The following MRPS10 variants were observed in gnomAD, a reference collection of about 807,000 sequenced individuals.
MRPS10 encodes mitochondrial ribosomal protein S10.
A neutral mutation model predicts 27.5 loss-of-function variants in MRPS10; 23 were observed. That is an observed-to-expected ratio of 0.84 (90% CI 0.60 to 1.18). MRPS10 has a LOEUF of 1.18. Among genes scored for constraint, MRPS10 ranks in the 50% most tolerant of loss-of-function variants. The pLI, the probability that MRPS10 is intolerant of heterozygous loss-of-function variation, is 0.00. For missense variants in MRPS10, 237 were observed against 240.1 expected (o/e 0.99, Z 0.09); for synonymous variants, 88 against 84.2 (o/e 1.04, Z -0.25).
At chr6:42,216,812 CAAACAA>C (rs969657535) in intron 1 of MRPS10, among the ~76,000 whole-genome samples, 45 of 152,094 alleles carry the variant, frequency 3.0e-4, no homozygotes, top group Admixed American at 2.6e-3. Flanking sequence ...ACTCCGTCTC[CAAACAA>C]AAACAAAAAC....
chr6:42,215,948 G>A (rs4714583), intron 1 of MRPS10, among the ~76,000 whole-genome samples: 81,154 of 151,400 alleles, frequency 0.54, 24,023 homozygotes, highest in East Asian at 0.83. Context: ...TTGTGCAAGA[G>A]GAGCAAGAAT....
Position 42,208,218 on chromosome 6 carries a change from C to T in MRPS10, c.*71G>A. On this transcript the variant is annotated 3_prime_UTR_variant, in exon 7 of 7. Coordinates refer to ENST00000053468, the MANE Select transcript of MRPS10 (RefSeq NM_018141.4). ...ACTCAAATCATCTCAGCTGGAAGCA[C>T]TCTCCACTTAAACATACTCATCTGG... 1 of 1,128,540 alleles carries T rather than the reference C, an allele frequency of 8.9e-7. No homozygotes were observed. The highest frequency in any genetic ancestry group is 1.8e-5 in the Admixed American group (1 of 56,276). The allele number at this position is 1,128,540 out of a possible 1,614,324, so 69.9% of individuals were successfully genotyped here.
chr6:42,206,853 G>GT lies in MRPS10; in HGVS notation c.*1435dup, dbSNP rs1768606384. The GT allele has an allele frequency of 6.6e-6, 1 of 152,208 alleles. No individual in the cohort carries two copies. Among genetic ancestry groups the GT allele is most frequent in the African/African-American group, 2.4e-5 (1 of 41,508 alleles). The allele number at this position is 152,208 out of a possible 1,614,324, so 9.4% of individuals were successfully genotyped here. ...TTCTTTTAATGGTGATGACAGTAAC[G>GT]TAAGTCTGATACACAAGCAGTATGT... On this transcript the variant is annotated 3_prime_UTR_variant, in exon 7 of 7. Transcript: ENST00000053468.
rs1768644841 is a variant in MRPS10 at position 42,207,674 on chromosome 6, T to C, written c.*615A>G. 1 of 152,236 alleles carries C rather than the reference T, an allele frequency of 6.6e-6. No homozygotes were observed. Among genetic ancestry groups the C allele is most frequent in the South Asian group, 2.1e-4 (1 of 4,832 alleles). The allele number at this position is 152,236 out of a possible 1,614,324, so 9.4% of individuals were successfully genotyped here. A position where few individuals can be genotyped will look rare whatever the true frequency, so the allele number is the denominator to read the frequency against. ...TAATTTCTTAAGATCATAAATTCCA[T>C]TACAGTAACCCTGGTAGGCAACTCT... On this transcript the variant is annotated 3_prime_UTR_variant, in exon 7 of 7. Coordinates refer to ENST00000053468, the MANE Select transcript of MRPS10 (RefSeq NM_018141.4).
At chr6:42,212,677 A>T (rs1768817461) in intron 3 of MRPS10, among the ~76,000 whole-genome samples, 1 of 152,216 alleles carries the variant, frequency 6.6e-6, no homozygotes, top group African/African-American at 2.4e-5. Flanking sequence ...TTAAACCAGT[A>T]AATTATACTA....
intron 3 of MRPS10, among the ~76,000 whole-genome samples, chr6:42,212,812 C>T (rs1182279983): frequency 1.3e-5 from 2 of 152,150 alleles, no homozygotes; most frequent in Admixed American, 1.3e-4. Flanking sequence ...ATACTGATAG[C>T]CTGTGTCCTA....
chr6:42,214,716 C>A (rs574457978), intron 1 of MRPS10, among the ~76,000 whole-genome samples: 4 of 152,126 alleles, frequency 2.6e-5, no homozygotes, highest in Non-Finnish European at 5.9e-5. Flanking sequence ...GCCTGAATAT[C>A]TTTAAGCAAT....
chr6:42,208,902 TA>T lies in MRPS10; in HGVS notation c.477del (p.Tyr159Ter). 6.2e-7 allele frequency: 1 copy of T among 1,612,566 alleles called. No homozygotes were observed. The highest frequency in any genetic ancestry group is 8.5e-7 in the Non-Finnish European group (1 of 1,178,976). On this transcript the variant is annotated frameshift_variant, in exon 6 of 7. Transcript: ENST00000053468. LOFTEE classifies it high-confidence loss of function. ...TGSTADVYLE[Y>X]IQRNLPEGVA... ...ACCCCTTCAGGTAAGTTTCGCTGAATATATTCCAAGTAGACATCTGCTGTGC... is the reference window on the plus strand; with the variant it reads ...ACCCCTTCAGGTAAGTTTCGCTGAATTATTCCAAGTAGACATCTGCTGTGC...
rs1768650665 is a variant in MRPS10, at chr6:42,207,867, T to G, written c.*422A>C. 5.5e-6 allele frequency: 1 copy of G among 180,224 alleles called. No homozygotes were observed. The highest frequency in any genetic ancestry group is 2.4e-5 in the African/African-American group (1 of 41,672). 11.2% of individuals were successfully genotyped at this position (180,224 alleles called of 1,614,324 possible). On this transcript the variant is annotated 3_prime_UTR_variant, in exon 7 of 7. Transcript: ENST00000053468. The stretch of plus-strand genomic sequence containing the variant: ...CTGCACAAAGGTAAATAGCAAAAAC[T>G]TTAACTGCTCAATCTGAATTAACCA...
chr6:42,212,250 A>G (rs182588815), intron 3 of MRPS10, among the ~76,000 whole-genome samples: 2 of 152,372 alleles, frequency 1.3e-5, no homozygotes, highest in East Asian at 1.9e-4. Context: ...GAGCCTGGGC[A>G]GAAGACTTGG....
intron 1 of MRPS10, among the ~76,000 whole-genome samples, chr6:42,215,633 C>T (rs1229947626): frequency 6.6e-6 from 1 of 152,044 alleles, no homozygotes; most frequent in African/African-American, 2.4e-5. Flanking sequence ...CACCATATTT[C>T]CCAGGCTGGT....
At chr6:42,213,552 G>C (rs1768841192) in intron 3 of MRPS10, among the ~76,000 whole-genome samples, 1 of 152,186 alleles carries the variant, frequency 6.6e-6, no homozygotes, top group Non-Finnish European at 1.5e-5. Flanking sequence ...ACAGACAAAT[G>C]TCTAGAACTG....
rs9471809 is a variant in MRPS10, at chr6:42,217,826, A to C, written c.24T>G (p.Gly8=). The change falls in exon 1 of 7, where the codon GGT becomes GGG. Residue 8 remains glycine, a synonymous_variant. Coordinates refer to ENST00000053468, the MANE Select transcript of MRPS10 (RefSeq NM_018141.4). The stretch of plus-strand genomic sequence containing the variant: ...CCTGCCAGAGGCGCCGGCACACAGC[A>C]CCGAACGCTGTCCGCGCCGCCATCT... MAARTAF[G]AVCRRLWQGL... is the part of the protein sequence containing the mutation. The C allele has an allele frequency of 0.22, 355,979 of 1,613,680 alleles. 46,337 individuals are homozygous for C. The highest frequency in any genetic ancestry group is 0.6 in the African/African-American group (45,317 of 74,918).
rs1168038465 is a variant in MRPS10 at position 42,207,477 on chromosome 6, C to T, written c.*812G>A. The stretch of plus-strand genomic sequence containing the variant: ...CCTCGTGATCCGCCTGCCTCGGCCT[C>T]CCAAAATGCTGGGATTACAGGCGTG... On this transcript the variant is annotated 3_prime_UTR_variant, in exon 7 of 7. Transcript: ENST00000053468. 6.6e-6 allele frequency: 1 copy of T among 152,204 alleles called. No individual in the cohort carries two copies. The highest frequency in any genetic ancestry group is 1.5e-5 in the Non-Finnish European group (1 of 68,044). The allele number at this position is 152,204 out of a possible 1,614,324, so 9.4% of individuals were successfully genotyped here.
chr6:42,211,071 G>C (rs1317078371), intron 4 of MRPS10, among the ~76,000 whole-genome samples: 2 of 152,216 alleles, frequency 1.3e-5, no homozygotes, highest in African/African-American at 4.8e-5. Context: ...CCCAGATGGG[G>C]CCTCGTTCAA....
Position 42,210,501 on chromosome 6 carries a change from T to C in MRPS10, c.419A>G (p.Tyr140Cys). Residue 140 changes from tyrosine (Y) to cysteine (C), a missense_variant, in exon 5 of 7, where the codon TAC (tyrosine) becomes TGC (cysteine). Coordinates refer to ENST00000053468, the MANE Select transcript of MRPS10 (RefSeq NM_018141.4). ...HRVQYEMRTLYRCLELEHLTG... is the reference protein window; with the variant it reads ...HRVQYEMRTLCRCLELEHLTG... ...AAATACACTCACCTCTAAACATCTGTAAAGTGTTCTCATTTCATACTGAAC... is the reference window on the plus strand; with the variant it reads ...AAATACACTCACCTCTAAACATCTGCAAAGTGTTCTCATTTCATACTGAAC... 1 of 1,483,842 alleles carries C rather than the reference T, an allele frequency of 6.7e-7. No homozygotes were observed. Among genetic ancestry groups the C allele is most frequent in the Non-Finnish European group, 9.1e-7 (1 of 1,097,128 alleles). 91.9% of individuals were successfully genotyped at this position (1,483,842 alleles called of 1,614,324 possible). A position where few individuals can be genotyped will look rare whatever the true frequency, so the allele number is the denominator to read the frequency against.
Position 42,217,856 on chromosome 6 carries a change from G to C in MRPS10, c.-7C>G, listed in dbSNP as rs1768991618. ...ACGCTGTCCGCGCCGCCATCTTGCC[G>C]GTCCCGACCTCTCAGGATTGCTTCC... On this transcript the variant is annotated 5_prime_UTR_variant, in exon 1 of 7. Coordinates refer to ENST00000053468, the MANE Select transcript of MRPS10 (RefSeq NM_018141.4). 1 of 1,613,786 alleles carries C rather than the reference G, an allele frequency of 6.2e-7. No homozygotes were observed. Among genetic ancestry groups the C allele is most frequent in the Non-Finnish European group, 8.5e-7 (1 of 1,179,888 alleles).
chr6:42,217,495 TG>T (rs1420134467), intron 1 of MRPS10, among the ~76,000 whole-genome samples: 1 of 152,232 alleles, frequency 6.6e-6, no homozygotes, highest in African/African-American at 2.4e-5. Flanking sequence ...CTGTCTTCTC[TG>T]AGCCTCAGTT....
chr6:42,208,400 A>C (rs370468409), intron 6 of MRPS10, 28 bp from the exon 7 acceptor site: 43 of 1,486,802 alleles, frequency 2.9e-5, no homozygotes, highest in Non-Finnish European at 3.9e-5. Flanking sequence ...CAAAACTATA[A>C]TGTGGATTTA....
Sources: gnomAD v4.1 joint callset for allele counts (sites outside exome capture counted in the v4.1 genomes callset) on GRCh38, gnomAD v4.1.1 for gene constraint, MANE v1.5 for transcripts, NCBI Gene and HGNC (gene_info 2026-07-23, HGNC 2026-07-21) for gene names.